LRP2: variants seen among roughly 807,000 people sequenced by gnomAD.
The protein encoded by LRP2 is LDL receptor related protein 2.
Under a neutral mutation model 531.0 loss-of-function variants are expected in LRP2, and 172 were observed. That is an observed-to-expected ratio of 0.32 (90% confidence interval 0.29 to 0.37). The LOEUF (loss-of-function observed/expected upper bound fraction) is 0.37. Ranked by LOEUF, LRP2 falls within the 10% of genes least tolerant of loss-of-function variation. The pLI is 1.00. For missense variants in LRP2, 5,167 were observed against 5,868.3 expected, an observed-to-expected ratio of 0.88 and a Z score of 3.90; for synonymous variants, 1,992 against 2,027.6, an observed-to-expected ratio of 0.98 and a Z score of 0.47.
intron 76 of LRP2, among the ~76,000 whole-genome samples, chr2:169,136,316 C>T (rs191845379): frequency 5.3e-5 from 8 of 151,928 alleles, no homozygotes; most frequent in African/African-American, 1.9e-4. Context: ...TGCCACCCCC[C>T]CAAAAATTTT....
rs772986118 is a variant in LRP2 at position 169,185,982 on chromosome 2, G to A, written c.9366C>T (p.Cys3122=). The part of the protein sequence containing the change: ...NECHDPSISG[C]DHNCTDTLTS... ...TTAAGGTGTCTGTGCAGTTGTGATCGCAGCCACTGATTGAAGGGTCATGGC... is the reference window on the plus strand; with the variant it reads ...TTAAGGTGTCTGTGCAGTTGTGATCACAGCCACTGATTGAAGGGTCATGGC... The change falls in exon 50 of 79, where the codon TGC becomes TGT. Residue 3122 remains cysteine, a synonymous_variant. Transcript: ENST00000649046. 15 of 1,613,596 alleles carry A rather than the reference G, an allele frequency of 9.3e-6. No homozygotes were observed. Among genetic ancestry groups the A allele is most frequent in the Admixed American group, 1.7e-5 (1 of 59,964 alleles).
Position 169,311,565 on chromosome 2 carries a change from C to T in LRP2, c.311-4168G>A, listed in dbSNP as rs913826105. 2.6e-5 allele frequency among the ~76,000 whole-genome samples: 4 copies of T among 152,308 alleles called. No homozygotes were observed. The South Asian group carries it at 6.2e-4, about 24-fold the overall frequency. ...TTTGATTGCACTGTGGTCTGAGAGA[C>T]AGTTTGTTATAATTTCTGTCCTTTT... On this transcript the variant is annotated intron_variant, in intron 3 of 78. Transcript: ENST00000649046.
chr2:169,330,946 C>T (rs1685247701), intron 1 of LRP2, among the ~76,000 whole-genome samples: 1 of 152,090 alleles, frequency 6.6e-6, no homozygotes, highest in Admixed American at 6.5e-5. Context: ...ATAAGAGCAC[C>T]TAGGATTGGG....
At chr2:169,254,881 G>C (rs930759444) in intron 19 of LRP2, among the ~76,000 whole-genome samples, 1 of 151,944 alleles carries the variant, frequency 6.6e-6, no homozygotes, top group Non-Finnish European at 1.5e-5. Flanking sequence ...TTAGTGAAAA[G>C]GGAGTAAATG....
chr2:169,174,909 A>C (rs1388764942), intron 55 of LRP2, among the ~76,000 whole-genome samples: 1 of 150,254 alleles, frequency 6.7e-6, no homozygotes, highest in Admixed American at 6.7e-5. Flanking sequence ...TTTCCTCCTC[A>C]ATGTTAGCTC....
chr2:169,202,619 G>C (rs1417671805), intron 43 of LRP2, 137 bp downstream of exon 43: 10 of 855,906 alleles, frequency 1.2e-5, no homozygotes, highest in Non-Finnish European at 1.8e-5. Context: ...TGGATTATCA[G>C]AGGAAACATT....
intron 36 of LRP2, among the ~76,000 whole-genome samples, chr2:169,213,083 C>A (rs185421876): frequency 6.6e-6 from 1 of 152,088 alleles, no homozygotes; most frequent in Admixed American, 6.5e-5. Flanking sequence ...CTATAAAATA[C>A]ATCAAAAAAT....
intron 48 of LRP2, among the ~76,000 whole-genome samples, chr2:169,189,827 C>G (rs1687769812): frequency 1.3e-5 from 2 of 151,706 alleles, no homozygotes; most frequent in South Asian, 4.2e-4. Context: ...CTACTATAGC[C>G]CTTTTCAAGG....
At chr2:169,165,642 TCA>T (rs372852746) in intron 62 of LRP2, among the ~76,000 whole-genome samples, 1 of 152,342 alleles carries the variant, frequency 6.6e-6, no homozygotes, top group African/African-American at 2.4e-5. Flanking sequence ...GTGTTTGTTC[TCA>T]GTTTCTTATG....
chr2:169,219,175 G>T lies in LRP2; in HGVS notation c.5648+1279C>A, dbSNP rs139217418. Among the ~76,000 whole-genome samples, 37 of 152,234 alleles carry T rather than the reference G, an allele frequency of 2.4e-4. No individual in the cohort carries two copies. The Middle Eastern group carries it at 0.01, about 42-fold the overall frequency. Reference sequence around the variant, plus strand: ...AGTACAAGCCAGCAGGCACAGAATAGAATGTTTGCTTCTTGTGCCCTTTAA... The same window carrying T: ...AGTACAAGCCAGCAGGCACAGAATATAATGTTTGCTTCTTGTGCCCTTTAA... On this transcript the variant is annotated intron_variant, in intron 34 of 78. Coordinates refer to ENST00000649046, the MANE Select transcript of LRP2 (RefSeq NM_004525.3).
At chr2:169,308,183 G>T (rs2673169) in intron 3 of LRP2, among the ~76,000 whole-genome samples, 1 of 151,846 alleles carries the variant, frequency 6.6e-6, no homozygotes, top group South Asian at 2.1e-4. Flanking sequence ...AAAAAGATTT[G>T]CTCTCAATTT....
chr2:169,277,664 T>C (rs1046953023), intron 13 of LRP2, 81 bp downstream of exon 13: 4 of 1,233,576 alleles, frequency 3.2e-6, no homozygotes, highest in South Asian at 1.2e-5. Context: ...TTAATTCTGG[T>C]CCTTTGATAT....
At position 169,243,529 on chromosome 2, in the gene LRP2, T is replaced by A; in HGVS notation, c.3431-7A>T. The A allele has an allele frequency of 6.2e-7, 1 of 1,613,918 alleles. No homozygotes were observed. The highest frequency in any genetic ancestry group is 8.5e-7 in the Non-Finnish European group (1 of 1,179,920). On this transcript the variant is annotated splice_polypyrimidine_tract_variant and splice_region_variant and intron_variant, in intron 22 of 78. Transcript: ENST00000649046. ...TGGCATGTCTCTGTCGAATCTAATG[T>A]CATCCGAAAACAAAACCAACAAGTT...
chr2:169,345,714 G>A (rs1359541112), intron 1 of LRP2, among the ~76,000 whole-genome samples: 1 of 146,838 alleles, frequency 6.8e-6, no homozygotes, highest in African/African-American at 2.5e-5. Flanking sequence ...ATGGAGGTTT[G>A]ACCCCTTGGC....
At position 169,280,527 on chromosome 2, in the gene LRP2, C is replaced by A. The variant is rs115371758; in HGVS notation, c.1172-8G>T. 9.3e-6 allele frequency: 15 copies of A among 1,613,684 alleles called. No individual in the cohort carries two copies. The highest frequency in any genetic ancestry group is 1.2e-5 in the Non-Finnish European group (14 of 1,179,856). On this transcript the variant is annotated splice_polypyrimidine_tract_variant and splice_region_variant and intron_variant, in intron 10 of 78. Transcript: ENST00000649046. ...TAATGGAGGCCTCGCCAACTAAATGCGAAGAAGGAAGGCATCACCACTCCT... is the reference window on the plus strand; with the variant it reads ...TAATGGAGGCCTCGCCAACTAAATGAGAAGAAGGAAGGCATCACCACTCCT...
chr2:169,314,062 G>T (rs1488966498), intron 3 of LRP2, among the ~76,000 whole-genome samples: 2 of 152,126 alleles, frequency 1.3e-5, no homozygotes, highest in East Asian at 3.9e-4. Flanking sequence ...AATTAGATCT[G>T]TTAAGGAATG....
chr2:169,236,656 A>C (rs1296215053), intron 28 of LRP2, among the ~76,000 whole-genome samples: 1 of 152,218 alleles, frequency 6.6e-6, no homozygotes, highest in Non-Finnish European at 1.5e-5. Flanking sequence ...CAGGATCAGC[A>C]GGCAAAAACT....
intron 45 of LRP2, 42 bp from the exon 46 acceptor site, chr2:169,197,072 AGCATGTTCCC>A (rs759044129): frequency 6.2e-7 from 1 of 1,609,312 alleles, no homozygotes; most frequent in Non-Finnish European, 8.5e-7. Flanking sequence ...GCAAAACACA[AGCATGTTCCC>A]ATCAGTCTTA....
rs114563443 is a variant in LRP2, at chr2:169,272,905, A to G, written c.2116+22T>C. The G allele has an allele frequency of 1.1e-3, 1,765 of 1,613,478 alleles. 19 individuals carry two copies. The African/African-American group carries it at 0.02, about 18-fold the overall frequency. On this transcript the variant is annotated intron_variant, in intron 15 of 78. Transcript: ENST00000649046. ...CATACACCTGTGTCACCTGCCAACA[A>G]CGTCCAAAACAGACTTCTTACCAAT...
Sources: allele counts gnomAD v4.1 joint callset (sites outside exome capture counted in the v4.1 genomes callset), GRCh38; gene constraint gnomAD v4.1.1; transcripts MANE v1.5; gene names NCBI Gene and HGNC (gene_info 2026-07-23, HGNC 2026-07-21).